PTPRQ: variants seen among roughly 807,000 people sequenced by gnomAD.
PTPRQ encodes the protein protein tyrosine phosphatase receptor type Q.
PTPRQ carries 199 observed loss-of-function variants against 246.0 expected under a neutral mutation model. The ratio of observed to expected loss-of-function variants is 0.81; its 90% CI spans 0.72 to 0.91. The LOEUF (loss-of-function observed/expected upper bound fraction) is 0.91, where lower values mean the gene tolerates loss of function less well. Among genes scored for constraint, PTPRQ ranks in the 40% least tolerant of loss-of-function variants. The pLI, the probability that PTPRQ is intolerant of heterozygous loss-of-function variation, is 0.00. For missense variants in PTPRQ, 2,624 were observed against 2,528.4 expected (o/e 1.04, Z -0.81); for synonymous variants, 869 against 853.2 (o/e 1.02, Z -0.32).
intron 35 of PTPRQ, among the ~76,000 whole-genome samples, chr12:80,648,474 T>TG (rs1395539360): frequency 1.3e-5 from 2 of 152,240 alleles, no homozygotes; most frequent in African/African-American, 4.8e-5. Context: ...TTAACCAATG[T>TG]GATGTCATGT....
intron 33 of PTPRQ, among the ~76,000 whole-genome samples, chr12:80,630,936 G>A (rs570625312): frequency 6.6e-5 from 10 of 152,086 alleles, no homozygotes; most frequent in South Asian, 4.2e-4. Context: ...AGGTTGTCTC[G>A]AACTCCTAAC....
intron 3 of PTPRQ, among the ~76,000 whole-genome samples, chr12:80,450,303 T>C (rs956554999): frequency 1.2e-4 from 18 of 152,186 alleles, no homozygotes; most frequent in African/African-American, 3.4e-4. Context: ...TTTCTAGATA[T>C]ACAATCATGT....
intron 35 of PTPRQ, among the ~76,000 whole-genome samples, chr12:80,643,034 T>A (rs1199595191): frequency 6.6e-6 from 1 of 151,742 alleles, no homozygotes; most frequent in Non-Finnish European, 1.5e-5. Context: ...TCCAAAGAGC[T>A]ATCCTTCAAA....
At chr12:80,511,502 C>T (rs1169031280) in intron 17 of PTPRQ, among the ~76,000 whole-genome samples, 1 of 152,098 alleles carries the variant, frequency 6.6e-6, no homozygotes, top group Non-Finnish European at 1.5e-5. Context: ...TCACATAAGA[C>T]CGTTGCCCTC....
chr12:80,567,069 A>G (rs1360998847), intron 25 of PTPRQ, among the ~76,000 whole-genome samples: 3 of 152,204 alleles, frequency 2.0e-5, no homozygotes, highest in Admixed American at 6.5e-5. Flanking sequence ...CAGAAGCACT[A>G]TTAGGAACTT....
intron 25 of PTPRQ, among the ~76,000 whole-genome samples, chr12:80,571,670 T>A (rs951013449): frequency 6.6e-5 from 10 of 152,316 alleles, no homozygotes; most frequent in African/African-American, 2.4e-4. Flanking sequence ...TACATTTATA[T>A]TTTTGATTCA....
chr12:80,493,888 A>T (rs540104398), intron 10 of PTPRQ, among the ~76,000 whole-genome samples: 1 of 152,046 alleles, frequency 6.6e-6, no homozygotes, highest in Non-Finnish European at 1.5e-5. Flanking sequence ...GGTGTAGGTG[A>T]CCCCAACGAT....
chr12:80,446,149 C>G (rs911493727), intron 3 of PTPRQ, among the ~76,000 whole-genome samples: 1 of 151,060 alleles, frequency 6.6e-6, no homozygotes, highest in Admixed American at 6.6e-5. Context: ...TTCCTAGAAA[C>G]CACAGTAAAA....
chr12:80,559,845 A>T (rs1896773551), intron 25 of PTPRQ, among the ~76,000 whole-genome samples: 1 of 152,120 alleles, frequency 6.6e-6, no homozygotes, highest in African/African-American at 2.4e-5. Flanking sequence ...TCTCCTGTCC[A>T]CATTTTGTAA....
At chr12:80,640,399 C>T (rs1001843122) in intron 35 of PTPRQ, among the ~76,000 whole-genome samples, 1 of 152,140 alleles carries the variant, frequency 6.6e-6, no homozygotes, top group African/African-American at 2.4e-5. Context: ...TATTTTACTT[C>T]CGTTCTAAAC....
intron 6 of PTPRQ, among the ~76,000 whole-genome samples, chr12:80,463,943 G>T (rs1893302629): frequency 6.6e-6 from 1 of 151,708 alleles, no homozygotes; most frequent in African/African-American, 2.4e-5. Flanking sequence ...TCGAGACTAA[G>T]AAGAAACTGC....
At chr12:80,471,896 T>A (rs923477755) in intron 7 of PTPRQ, among the ~76,000 whole-genome samples, 1 of 152,140 alleles carries the variant, frequency 6.6e-6, no homozygotes, top group Non-Finnish European at 1.5e-5. Flanking sequence ...CACTGGAACA[T>A]TTTCATGTTC....
intron 3 of PTPRQ, among the ~76,000 whole-genome samples, chr12:80,453,387 A>G (rs1892846495): frequency 6.6e-6 from 1 of 152,148 alleles, no homozygotes; most frequent in South Asian, 2.1e-4. Flanking sequence ...TTCTCTGTCC[A>G]GCTTTGTTCT....
chr12:80,550,959 T>G (rs1592643397), intron 25 of PTPRQ, among the ~76,000 whole-genome samples: 1 of 152,100 alleles, frequency 6.6e-6, no homozygotes, highest in African/African-American at 2.4e-5. Context: ...TTTATCCATG[T>G]CTTTATTTAT....
intron 25 of PTPRQ, among the ~76,000 whole-genome samples, chr12:80,582,815 G>C (rs1897486798): frequency 6.6e-6 from 1 of 152,008 alleles, no homozygotes; most frequent in East Asian, 1.9e-4. Context: ...GAAAGGGAAG[G>C]CTGCACTCCA....
At chr12:80,532,202 C>G (rs1229178203) in intron 17 of PTPRQ, among the ~76,000 whole-genome samples, 1 of 151,802 alleles carries the variant, frequency 6.6e-6, no homozygotes, top group East Asian at 1.9e-4. Flanking sequence ...AATAGCATAG[C>G]TTTATTTTAT....
At chr12:80,676,190 T>G (rs1901130739) in intron 43 of PTPRQ, among the ~76,000 whole-genome samples, 1 of 152,160 alleles carries the variant, frequency 6.6e-6, no homozygotes, top group Non-Finnish European at 1.5e-5. Context: ...GTTTCTTATT[T>G]TCTTCTCCTG....
chr12:80,562,086 C>T (rs1311653108), intron 25 of PTPRQ, among the ~76,000 whole-genome samples: 1 of 152,082 alleles, frequency 6.6e-6, no homozygotes, highest in African/African-American at 2.4e-5. Flanking sequence ...GATTGATCTT[C>T]TAATATTGAA....
intron 8 of PTPRQ, among the ~76,000 whole-genome samples, chr12:80,483,517 A>G (rs1292156429): frequency 6.6e-6 from 1 of 152,036 alleles, no homozygotes; most frequent in Admixed American, 6.6e-5. Flanking sequence ...CCTAAAACTT[A>G]AAGTATAATA....
Sources: gnomAD v4.1 joint callset for allele counts (sites outside exome capture counted in the v4.1 genomes callset) on GRCh38, gnomAD v4.1.1 for gene constraint, MANE v1.5 for transcripts, NCBI Gene and HGNC (gene_info 2026-07-23, HGNC 2026-07-21) for gene names.